Variants in ZNF385D observed in about 807,000 individuals in gnomAD.
ZNF385D encodes the protein zinc finger protein 385D.
ZNF385D carries 15 observed loss-of-function variants against 35.8 expected under a neutral mutation model. The ratio of observed to expected loss-of-function variants is 0.42; its 90% confidence interval spans 0.28 to 0.64. The LOEUF (loss-of-function observed/expected upper bound fraction) is 0.64. Among genes scored for constraint, ZNF385D ranks in the 30% least tolerant of loss-of-function variants. The pLI, the probability that ZNF385D is intolerant of heterozygous loss-of-function variation, is 0.23. For synonymous variants in ZNF385D, 212 were observed against 186.8 expected, an observed-to-expected ratio of 1.13 and a Z score of -1.10; for missense variants, 474 against 494.6, an observed-to-expected ratio of 0.96 and a Z score of 0.39.
At chr3:22,169,310 A>G (rs1171151625) in intron 2 of ZNF385D, among the ~76,000 whole-genome samples, 6 of 152,300 alleles carry the variant, frequency 3.9e-5, no homozygotes, top group African/African-American at 1.4e-4. Context: ...AATAAGCACT[A>G]TAGTATTCCC....
At chr3:21,547,620 G>GTT (rs113689036) in intron 3 of ZNF385D, among the ~76,000 whole-genome samples, 7 of 141,192 alleles carry the variant, frequency 5.0e-5, no homozygotes, top group Admixed American at 1.4e-4. Context: ...GTTTTGTTTT[G>GTT]TTTTTTTTTT....
intron 3 of ZNF385D, among the ~76,000 whole-genome samples, chr3:21,759,649 T>C (rs1163962673): frequency 6.6e-6 from 1 of 152,214 alleles, no homozygotes; most frequent in Non-Finnish European, 1.5e-5. Flanking sequence ...CCAATTTTTC[T>C]TAAAATAAAA....
intron 3 of ZNF385D, among the ~76,000 whole-genome samples, chr3:21,958,494 C>T (rs9821912): frequency 0.68 from 103,911 of 151,960 alleles, 36,684 homozygotes; most frequent in Non-Finnish European, 0.77. Flanking sequence ...GAACATGTTA[C>T]GGGATTAATG....
At chr3:21,569,630 G>A (rs567603584) in intron 2 of ZNF385D, among the ~76,000 whole-genome samples, 146 of 150,382 alleles carry the variant, frequency 9.7e-4, no homozygotes, top group Middle Eastern at 3.4e-3. Context: ...TATTTTGCTC[G>A]TTAGTTGATG....
chr3:22,306,072 G>T (rs180887221), intron 2 of ZNF385D, among the ~76,000 whole-genome samples: 1 of 152,220 alleles, frequency 6.6e-6, no homozygotes, highest in Admixed American at 6.5e-5. Context: ...TTTCCTTGTG[G>T]AAGGGCAAGA....
At chr3:22,365,839 CT>C (rs1696633357) in intron 2 of ZNF385D, among the ~76,000 whole-genome samples, 1 of 152,030 alleles carries the variant, frequency 6.6e-6, no homozygotes, top group African/African-American at 2.4e-5. Flanking sequence ...GATAAAGCCC[CT>C]AGACATAGCA....
chr3:21,937,128 A>G (rs1354928696), intron 3 of ZNF385D, among the ~76,000 whole-genome samples: 1 of 152,208 alleles, frequency 6.6e-6, no homozygotes. Context: ...ATTTTTTGAG[A>G]TGGAAAAAAA....
At chr3:21,865,331 A>G (rs1697288567) in intron 3 of ZNF385D, among the ~76,000 whole-genome samples, 2 of 151,938 alleles carry the variant, frequency 1.3e-5, no homozygotes, top group Admixed American at 1.3e-4. Context: ...TTTGTGACTT[A>G]TTGGATACAG....
chr3:22,136,920 G>C (rs1017468487), intron 3 of ZNF385D, among the ~76,000 whole-genome samples: 1 of 152,130 alleles, frequency 6.6e-6, no homozygotes, highest in African/African-American at 2.4e-5. Context: ...AAGGATTCTA[G>C]AGAAGGAATA....
At chr3:21,571,298 G>C (rs1456784642) in intron 2 of ZNF385D, among the ~76,000 whole-genome samples, 1 of 152,120 alleles carries the variant, frequency 6.6e-6, no homozygotes, top group East Asian at 1.9e-4. Flanking sequence ...GATCATTTTT[G>C]TTGCTATATA....
chr3:22,157,858 G>C (rs1330635238), intron 3 of ZNF385D, among the ~76,000 whole-genome samples: 9 of 152,130 alleles, frequency 5.9e-5, no homozygotes, highest in Admixed American at 5.9e-4. Context: ...GTTGTAAACA[G>C]ATAATACATA....
intron 3 of ZNF385D, among the ~76,000 whole-genome samples, chr3:21,987,491 T>C (rs1050068197): frequency 8.0e-6 from 1 of 125,636 alleles, no homozygotes; most frequent in Non-Finnish European, 1.6e-5. Flanking sequence ...ATGTTGAATA[T>C]TGGCCCCCAC....
At chr3:21,990,445 T>C (rs890797723) in intron 3 of ZNF385D, among the ~76,000 whole-genome samples, 59 of 152,360 alleles carry the variant, frequency 3.9e-4, no homozygotes, top group Non-Finnish European at 1.3e-4. Flanking sequence ...CCTGTGCCTT[T>C]ATCAGGGTGA....
At chr3:21,547,156 T>TG (rs2062402365) in intron 3 of ZNF385D, among the ~76,000 whole-genome samples, 1 of 152,176 alleles carries the variant, frequency 6.6e-6, no homozygotes, top group Non-Finnish European at 1.5e-5. Context: ...CTCTGTACTA[T>TG]GGGAGACTCC....
At chr3:22,371,213 G>A (rs73144148) in intron 2 of ZNF385D, among the ~76,000 whole-genome samples, 7,754 of 152,146 alleles carry the variant, frequency 0.051, 638 homozygotes, top group African/African-American at 0.18. Flanking sequence ...CAACCCAGAG[G>A]GAGGAAGACC....
At chr3:22,066,320 A>ATGTG (rs10627613) in intron 3 of ZNF385D, among the ~76,000 whole-genome samples, 3 of 149,182 alleles carry the variant, frequency 2.0e-5, no homozygotes, top group African/African-American at 4.9e-5. Context: ...GTGTGTGTGT[A>ATGTG]TGTGTGTGTA....
chr3:22,239,950 G>A (rs1436176189), intron 2 of ZNF385D, among the ~76,000 whole-genome samples: 1 of 150,184 alleles, frequency 6.7e-6, no homozygotes, highest in Non-Finnish European at 1.5e-5. Flanking sequence ...ACCAAGACAG[G>A]TGGATCACTC....
chr3:21,957,911 A>G (rs760265116), intron 3 of ZNF385D, among the ~76,000 whole-genome samples: 3 of 152,134 alleles, frequency 2.0e-5, no homozygotes, highest in Non-Finnish European at 4.4e-5. Flanking sequence ...AGTTTCATCA[A>G]TGTACTAATG....
At chr3:21,550,918 C>G (rs2062546133) in intron 3 of ZNF385D, among the ~76,000 whole-genome samples, 1 of 152,328 alleles carries the variant, frequency 6.6e-6, no homozygotes, top group South Asian at 2.1e-4. Flanking sequence ...ATTTATCAAA[C>G]AGTTCCCCAA....
Sources: gnomAD v4.1 joint callset for allele counts (sites outside exome capture counted in the v4.1 genomes callset) on GRCh38, gnomAD v4.1.1 for gene constraint, MANE v1.5 for transcripts, NCBI Gene and HGNC (gene_info 2026-07-23, HGNC 2026-07-21) for gene names.